The following OPCML variants were observed in gnomAD, a reference collection of about 807,000 sequenced individuals.
The protein encoded by OPCML is opioid-binding protein/cell adhesion molecule.
A neutral mutation model predicts 37.8 loss-of-function variants in OPCML; 13 were observed. The ratio of observed to expected loss-of-function variants is 0.34; its 90% CI spans 0.22 to 0.55. The LOEUF (loss-of-function observed/expected upper bound fraction) is 0.55, where lower values mean the gene tolerates loss of function less well. Ranked by LOEUF, OPCML falls within the 20% of genes least tolerant of loss-of-function variation. OPCML has a pLI of 0.91. For synonymous variants in OPCML, 176 were observed against 168.8 expected, an observed-to-expected ratio of 1.04 and a Z score of -0.33; for missense variants, 341 against 435.6, an observed-to-expected ratio of 0.78 and a Z score of 1.93.
chr11:132,466,170 T>C (rs1041965389), intron 4 of OPCML, among the ~76,000 whole-genome samples: 34 of 152,262 alleles, frequency 2.2e-4, no homozygotes, highest in Middle Eastern at 3.4e-3. Flanking sequence ...GGAGCAAGTC[T>C]GAATGATTCT....
intron 7 of OPCML, among the ~76,000 whole-genome samples, chr11:132,429,250 G>A (rs1037408292): frequency 3.3e-5 from 5 of 152,194 alleles, no homozygotes; most frequent in African/African-American, 9.7e-5. Context: ...GAAGTTTTCA[G>A]CAATCGAAAT....
chr11:133,162,671 C>T (rs1304074377), intron 1 of OPCML, among the ~76,000 whole-genome samples: 1 of 152,154 alleles, frequency 6.6e-6, no homozygotes, highest in African/African-American at 2.4e-5. Context: ...TTTGCAGTTA[C>T]AGCCACGAGG....
chr11:132,790,295 T>C (rs1435041210), intron 2 of OPCML, among the ~76,000 whole-genome samples: 1 of 152,194 alleles, frequency 6.6e-6, no homozygotes, highest in African/African-American at 2.4e-5. Context: ...TAGTGTTCGA[T>C]AGCAAAGTAG....
rs143206988 is a variant in OPCML, at chr11:132,839,734, A to G, written c.146+103192T>C. On this transcript the variant is annotated intron_variant, in intron 2 of 7. Coordinates refer to ENST00000524381, the MANE Select transcript of OPCML (RefSeq NM_001012393.5). ...ACGGATCAGATGCTGCAACATTGCT[A>G]TTCTTAGGAGCAACAGATGCAAATA... Among the ~76,000 whole-genome samples, 54 of 152,264 alleles carry G rather than the reference A, an allele frequency of 3.5e-4. 1 individual carries two copies. In the East Asian group the frequency reaches 8.7e-3, roughly 25 times the overall value.
chr11:133,278,274 G>T (rs1942047621), intron 1 of OPCML, among the ~76,000 whole-genome samples: 1 of 152,132 alleles, frequency 6.6e-6, no homozygotes, highest in African/African-American at 2.4e-5. Context: ...AAGACAGCTG[G>T]AAATGAAGAA....
intron 1 of OPCML, among the ~76,000 whole-genome samples, chr11:133,217,109 C>T (rs1161906450): frequency 1.6e-5 from 2 of 125,466 alleles, no homozygotes; most frequent in African/African-American, 5.4e-5. Flanking sequence ...AGAACTCAGC[C>T]CTTTTCCTTC....
At chr11:132,513,866 C>T (rs567190700) in intron 4 of OPCML, among the ~76,000 whole-genome samples, 3 of 152,252 alleles carry the variant, frequency 2.0e-5, no homozygotes, top group Admixed American at 6.5e-5. Flanking sequence ...ATGTCTGAGC[C>T]TTTCACTAAA....
chr11:133,479,060 A>T (rs886926071), intron 1 of OPCML, among the ~76,000 whole-genome samples: 14 of 152,282 alleles, frequency 9.2e-5, no homozygotes, highest in Non-Finnish European at 1.6e-4. Context: ...GACGCACTTT[A>T]AAGGATACGT....
chr11:132,902,167 G>A (rs984930384), intron 2 of OPCML, among the ~76,000 whole-genome samples: 3 of 152,178 alleles, frequency 2.0e-5, no homozygotes, highest in African/African-American at 4.8e-5. Context: ...ATGGATTATA[G>A]CTGGTTGGAG....
chr11:132,858,417 G>GCT (rs1345899382), intron 2 of OPCML, among the ~76,000 whole-genome samples: 1 of 152,146 alleles, frequency 6.6e-6, no homozygotes, highest in Non-Finnish European at 1.5e-5. Context: ...CCCCTCCCTT[G>GCT]CTCTGCCTGC....
At chr11:133,109,759 A>G (rs1325120225) in intron 1 of OPCML, among the ~76,000 whole-genome samples, 2 of 152,204 alleles carry the variant, frequency 1.3e-5, no homozygotes, top group Non-Finnish European at 2.9e-5. Context: ...TTGCCCTGTC[A>G]GGAAGCATTG....
At chr11:133,038,839 A>AC (rs1555080744) in intron 1 of OPCML, among the ~76,000 whole-genome samples, 1 of 149,400 alleles carries the variant, frequency 6.7e-6, no homozygotes, top group Admixed American at 6.7e-5. Context: ...AAAAAAAAAA[A>AC]CCCTGCTGCC....
At chr11:133,279,332 C>A (rs1401468698) in intron 1 of OPCML, among the ~76,000 whole-genome samples, 1 of 152,134 alleles carries the variant, frequency 6.6e-6, no homozygotes, top group Non-Finnish European at 1.5e-5. Flanking sequence ...TACAAAATGC[C>A]TGATGCTGCT....
intron 1 of OPCML, chr11:133,006,070 G>A (rs2136861739): frequency 1.0e-6 from 1 of 985,374 alleles, no homozygotes; most frequent in African/African-American, 1.7e-5. Flanking sequence ...GGAATGGAGT[G>A]TGCTCATAAC....
chr11:132,479,928 G>A (rs1487213033), intron 4 of OPCML, among the ~76,000 whole-genome samples: 1 of 152,144 alleles, frequency 6.6e-6, no homozygotes, highest in Non-Finnish European at 1.5e-5. Context: ...GAAAAAAACA[G>A]CGGAAAAACT....
chr11:132,747,836 T>C (rs1017137285), intron 2 of OPCML, among the ~76,000 whole-genome samples: 1 of 152,184 alleles, frequency 6.6e-6, no homozygotes, highest in Non-Finnish European at 1.5e-5. Context: ...GTAGTGTATA[T>C]ATACTTAGAG....
chr11:132,773,407 C>T (rs1007588787), intron 2 of OPCML: 4 of 152,086 alleles, frequency 2.6e-5, no homozygotes, highest in African/African-American at 7.2e-5. Context: ...CTGATTGCTT[C>T]ACTCTGGAGG....
intron 1 of OPCML, among the ~76,000 whole-genome samples, chr11:133,262,615 C>G (rs1385789623): frequency 1.3e-5 from 2 of 152,198 alleles, no homozygotes; most frequent in African/African-American, 2.4e-5. Flanking sequence ...AGACACCCTT[C>G]CACTGTACCT....
chr11:132,447,699 T>C (rs764712966), intron 4 of OPCML, among the ~76,000 whole-genome samples: 3 of 152,224 alleles, frequency 2.0e-5, no homozygotes, highest in Admixed American at 6.5e-5. Context: ...CCTAGCCTAC[T>C]GAAAGGTCTG....
Sources: gnomAD v4.1 joint callset for allele counts (sites outside exome capture counted in the v4.1 genomes callset) on GRCh38, gnomAD v4.1.1 for gene constraint, MANE v1.5 for transcripts, NCBI Gene and HGNC (gene_info 2026-07-23, HGNC 2026-07-21) for gene names.